Variants in KCNMB2 observed in about 807,000 individuals in gnomAD.
KCNMB2 encodes the protein potassium calcium-activated channel subfamily M regulatory beta subunit 2.
KCNMB2 carries 9 observed loss-of-function variants against 24.5 expected under a neutral mutation model. The ratio of observed to expected loss-of-function variants is 0.37; its 90% confidence interval spans 0.22 to 0.64. KCNMB2 has a LOEUF of 0.64. Ranked by LOEUF, KCNMB2 falls within the 30% of genes least tolerant of loss-of-function variation. The pLI, the probability that KCNMB2 is intolerant of heterozygous loss-of-function variation, is 0.63. For synonymous variants in KCNMB2, 109 were observed against 104.4 expected, an observed-to-expected ratio of 1.04 and a Z score of -0.27; for missense variants, 226 against 284.3, an observed-to-expected ratio of 0.79 and a Z score of 1.47.
rs111532428 is a variant in KCNMB2 at position 178,614,285 on chromosome 3, A to G, written c.-68+77574A>G. 8.5e-3 allele frequency among the ~76,000 whole-genome samples: 878 copies of G among 103,256 alleles called. 30 individuals carry two copies. Among genetic ancestry groups the G allele is most frequent in the African/African-American group, 0.032 (815 of 25,152 alleles). 67.7% of individuals were successfully genotyped at this position (103,256 alleles called of 152,430 possible). A position where few individuals can be genotyped will look rare whatever the true frequency, so the allele number is the denominator to read the frequency against. On this transcript the variant is annotated intron_variant, in intron 1 of 4. Coordinates refer to ENST00000452583, the MANE Select transcript of KCNMB2 (RefSeq NM_181361.3). Reference sequence around the variant, plus strand: ...TATATATATATATATATATATATATATATATATATATGTATGTATATATAT... The same window carrying G: ...TATATATATATATATATATATATATGTATATATATATGTATGTATATATAT...
intron 1 of KCNMB2, among the ~76,000 whole-genome samples, chr3:178,567,027 C>T (rs1397166625): frequency 6.6e-6 from 1 of 152,206 alleles, no homozygotes; most frequent in Non-Finnish European, 1.5e-5. Context: ...TTCAAACCTT[C>T]TGGTACTTAA....
intron 1 of KCNMB2, among the ~76,000 whole-genome samples, chr3:178,597,390 C>CACAG (rs1469245463): frequency 6.6e-6 from 1 of 152,044 alleles, no homozygotes; most frequent in Non-Finnish European, 1.5e-5. Flanking sequence ...GAGAAAGTGA[C>CACAG]CCATAGGACA....
intron 1 of KCNMB2, among the ~76,000 whole-genome samples, chr3:178,584,688 T>C (rs183919726): frequency 4.9e-5 from 7 of 143,960 alleles, no homozygotes; most frequent in African/African-American, 1.6e-4. Flanking sequence ...TAATAAATAA[T>C]AAAATGGAAT....
At chr3:178,734,756 A>G (rs1723263167) in intron 1 of KCNMB2, among the ~76,000 whole-genome samples, 1 of 152,156 alleles carries the variant, frequency 6.6e-6, no homozygotes, top group South Asian at 2.1e-4. Flanking sequence ...CTACAAGTCA[A>G]AGAACCGAGT....
At chr3:178,737,866 C>T (rs1053716297) in intron 1 of KCNMB2, among the ~76,000 whole-genome samples, 43 of 152,126 alleles carry the variant, frequency 2.8e-4, no homozygotes, top group African/African-American at 8.5e-4. Flanking sequence ...CTTTTTCCAA[C>T]GTAACCCAAG....
chr3:178,740,954 A>C (rs768820679), intron 1 of KCNMB2, among the ~76,000 whole-genome samples: 3 of 152,198 alleles, frequency 2.0e-5, no homozygotes, highest in Non-Finnish European at 4.4e-5. Flanking sequence ...AATTCTTCAC[A>C]AGTGACAAAT....
intron 1 of KCNMB2, among the ~76,000 whole-genome samples, chr3:178,802,551 T>G (rs537312956): frequency 4.9e-4 from 74 of 152,204 alleles, no homozygotes; most frequent in African/African-American, 1.8e-3. Context: ...CATAAATAAT[T>G]AAACTTATGA....
chr3:178,606,654 T>C (rs1228167543), intron 1 of KCNMB2, among the ~76,000 whole-genome samples: 1 of 152,082 alleles, frequency 6.6e-6, no homozygotes, highest in African/African-American at 2.4e-5. Context: ...GTATTTTGCA[T>C]GTAAGAAGGA....
At chr3:178,673,072 T>C (rs1391322365) in intron 1 of KCNMB2, among the ~76,000 whole-genome samples, 1 of 152,194 alleles carries the variant, frequency 6.6e-6, no homozygotes, top group African/African-American at 2.4e-5. Context: ...TCCTTCTCTC[T>C]TACCCAGCTT....
intron 1 of KCNMB2, among the ~76,000 whole-genome samples, chr3:178,708,210 A>C (rs1281690275): frequency 6.6e-6 from 1 of 152,024 alleles, no homozygotes; most frequent in Admixed American, 6.6e-5. Context: ...CTAGGTAATC[A>C]TTTTTAAGTG....
chr3:178,557,118 C>T (rs1167781466), intron 1 of KCNMB2, among the ~76,000 whole-genome samples: 2 of 152,318 alleles, frequency 1.3e-5, no homozygotes, highest in Non-Finnish European at 2.9e-5. Flanking sequence ...GTTATCAACC[C>T]TTTCTTAACA....
chr3:178,823,148 G>C (rs965150002), intron 2 of KCNMB2, among the ~76,000 whole-genome samples: 1 of 152,144 alleles, frequency 6.6e-6, no homozygotes, highest in African/African-American at 2.4e-5. Context: ...GTTCCTAAAG[G>C]GTGAAGTTTT....
At chr3:178,697,323 C>A (rs1007516446) in intron 1 of KCNMB2, among the ~76,000 whole-genome samples, 1 of 152,144 alleles carries the variant, frequency 6.6e-6, no homozygotes, top group African/African-American at 2.4e-5. Context: ...ATAGTTAGAT[C>A]TTCTTGTTGA....
At position 178,760,103 on chromosome 3, in the gene KCNMB2, T is replaced by G. The variant is rs1183919413; in HGVS notation, c.-67-47240T>G. Among the ~76,000 whole-genome samples, 9 of 43,984 alleles carry G rather than the reference T, an allele frequency of 2.0e-4. 1 individual carries two copies. In the East Asian group the frequency reaches 2.7e-3, roughly 13 times the overall value. The allele number at this position is 43,984 out of a possible 152,430, so 28.9% of individuals were successfully genotyped here. ...CCAAGAGGATATATCTATATATATATATATATCCAAGAGGATATATCTATA... is the reference window on the plus strand; with the variant it reads ...CCAAGAGGATATATCTATATATATAGATATATCCAAGAGGATATATCTATA... On this transcript the variant is annotated intron_variant, in intron 1 of 4. Coordinates refer to ENST00000452583, the MANE Select transcript of KCNMB2 (RefSeq NM_181361.3).
intron 4 of KCNMB2, among the ~76,000 whole-genome samples, chr3:178,842,406 AT>A (rs1715457104): frequency 6.6e-6 from 1 of 152,192 alleles, no homozygotes. Flanking sequence ...CATATCTATC[AT>A]TTTATTTCAA....
chr3:178,745,322 C>G (rs563001445), intron 1 of KCNMB2, among the ~76,000 whole-genome samples: 2 of 152,206 alleles, frequency 1.3e-5, no homozygotes, highest in South Asian at 2.1e-4. Context: ...AGAGAGAACT[C>G]GTATAGGAGA....
At chr3:178,789,053 T>C (rs1223024473) in intron 1 of KCNMB2, among the ~76,000 whole-genome samples, 1 of 152,206 alleles carries the variant, frequency 6.6e-6, no homozygotes, top group Non-Finnish European at 1.5e-5. Flanking sequence ...TAGGGAGTGT[T>C]TTGTCTGCAG....
Position 178,614,247 on chromosome 3 carries a change from TTATATATATATATATATATATATATATA to T in KCNMB2, c.-68+77558_-68+77585del, listed in dbSNP as rs776751246. Among the ~76,000 whole-genome samples the T allele has an allele frequency of 5.9e-3, 313 of 53,474 alleles. 12 individuals carry two copies. Among genetic ancestry groups the T allele is most frequent in the East Asian group, 0.044 (72 of 1,620 alleles). 35.1% of individuals were successfully genotyped at this position (53,474 alleles called of 152,430 possible). On this transcript the variant is annotated intron_variant, in intron 1 of 4. Coordinates refer to ENST00000452583, the MANE Select transcript of KCNMB2 (RefSeq NM_181361.3). The stretch of plus-strand genomic sequence containing the variant: ...AGACATACCTAAGACTGGGCTAATT[TTATATATATATATATATATATATATATA>T]TATATATATATATATATATATGTAT...
intron 1 of KCNMB2, among the ~76,000 whole-genome samples, chr3:178,757,709 GA>G (rs1724174479): frequency 9.2e-5 from 4 of 43,618 alleles, no homozygotes; most frequent in East Asian, 9.0e-4. Context: ...TATCCAAGAG[GA>G]TATATATATG....
Sources: gnomAD v4.1 joint callset for allele counts (sites outside exome capture counted in the v4.1 genomes callset) on GRCh38, gnomAD v4.1.1 for gene constraint, MANE v1.5 for transcripts, NCBI Gene and HGNC (gene_info 2026-07-23, HGNC 2026-07-21) for gene names.